Variants in RANBP2 observed in about 807,000 individuals in gnomAD.
The protein encoded by RANBP2 is RAN binding protein 2, also known as E3 SUMO-protein ligase RanBP2.
Under a neutral mutation model 303.6 loss-of-function variants are expected in RANBP2, and 57 were observed. The observed-to-expected ratio is 0.19, with a 90% confidence interval of 0.15 to 0.23. The LOEUF (loss-of-function observed/expected upper bound fraction) is 0.23. RANBP2 is among the 10% of genes least tolerant of loss of function. RANBP2 has a pLI of 1.00. For synonymous variants in RANBP2, 1,167 were observed against 1,301.5 expected (o/e 0.90, Z 2.23); for missense variants, 3,138 against 3,780.8 (o/e 0.83, Z 4.46).
At chr2:109,553,872 A>G in the RANBP2 span, among the ~76,000 whole-genome samples, 1 of 151,974 alleles carries the variant, frequency 6.6e-6, no homozygotes, top group African/African-American at 2.4e-5. Context: ...AAAAAAAGTG[A>G]TACAATAAAC....
intron 5 of RANBP2, 58 bp from the exon 6 acceptor site, chr2:108,736,046 G>C (rs1411093617): frequency 1.2e-6 from 2 of 1,611,488 alleles, no homozygotes; most frequent in Admixed American, 3.3e-5. Context: ...GGCTTAAAAT[G>C]ATTAATTTCT....
the RANBP2 span, among the ~76,000 whole-genome samples, chr2:109,557,632 T>C: frequency 6.6e-6 from 1 of 152,208 alleles, no homozygotes; most frequent in Non-Finnish European, 1.5e-5. Flanking sequence ...CTTCTGACAA[T>C]GTAAACTTAC....
the RANBP2 span, among the ~76,000 whole-genome samples, chr2:109,296,885 T>C: frequency 6.6e-6 from 1 of 151,884 alleles, no homozygotes; most frequent in African/African-American, 2.4e-5. Context: ...TTGCCAGATG[T>C]TATTTTGAGT....
chr2:109,575,296 C>G, the RANBP2 span, among the ~76,000 whole-genome samples: 1 of 152,192 alleles, frequency 6.6e-6, no homozygotes, highest in Non-Finnish European at 1.5e-5. Context: ...GCATAGGCAT[C>G]AATAACTCAA....
the RANBP2 span, among the ~76,000 whole-genome samples, chr2:108,848,469 T>C: frequency 2.0e-5 from 3 of 152,192 alleles, no homozygotes; most frequent in African/African-American, 7.2e-5. Context: ...GGATAAATAA[T>C]GGATGGATGA....
At chr2:109,547,860 G>C in the RANBP2 span, among the ~76,000 whole-genome samples, 1 of 152,206 alleles carries the variant, frequency 6.6e-6, no homozygotes, top group Admixed American at 6.5e-5. Context: ...AACTCAGCTT[G>C]CTCCAGCTGC....
chr2:109,680,696 C>T, the RANBP2 span, among the ~76,000 whole-genome samples: 1 of 152,142 alleles, frequency 6.6e-6, no homozygotes, highest in Non-Finnish European at 1.5e-5. Context: ...TCTCAGCCAC[C>T]GGAATCTCAC....
chr2:108,771,012 A>G (rs1054171828), intron 20 of RANBP2, among the ~76,000 whole-genome samples: 1 of 152,144 alleles, frequency 6.6e-6, no homozygotes, highest in African/African-American at 2.4e-5. Context: ...CCAGAAGTTC[A>G]GAACAGGTTG....
chr2:109,133,946 C>T, the RANBP2 span, among the ~76,000 whole-genome samples: 23 of 151,968 alleles, frequency 1.5e-4, no homozygotes, highest in African/African-American at 4.4e-4. Context: ...TTACAGAGGA[C>T]GTGGAATGTT....
the RANBP2 span, among the ~76,000 whole-genome samples, chr2:109,002,331 G>A: frequency 2.0e-4 from 31 of 152,290 alleles, no homozygotes; most frequent in African/African-American, 7.2e-4. Flanking sequence ...CAGCTTGCTA[G>A]GCTCTTAGGT....
chr2:109,593,036 A>G, the RANBP2 span: 1 of 1,552,366 alleles, frequency 6.4e-7, no homozygotes. Context: ...GTATCTATTT[A>G]AAAGACATAC....
the RANBP2 span, among the ~76,000 whole-genome samples, chr2:109,683,382 T>G: frequency 3.9e-5 from 6 of 152,278 alleles, no homozygotes; most frequent in South Asian, 1.2e-3. Context: ...TGCACGGTGG[T>G]GATACATTTG....
chr2:109,028,446 T>C, the RANBP2 span, among the ~76,000 whole-genome samples: 1 of 152,098 alleles, frequency 6.6e-6, no homozygotes, highest in Non-Finnish European at 1.5e-5. Context: ...CACCCTGGCT[T>C]CCCCGTTGCT....
the RANBP2 span, among the ~76,000 whole-genome samples, chr2:109,619,863 C>T: frequency 2.6e-5 from 4 of 152,104 alleles, no homozygotes; most frequent in Admixed American, 2.0e-4. Flanking sequence ...AACCAGTATT[C>T]CTTCAATGAT....
chr2:109,151,416 A>G, the RANBP2 span, among the ~76,000 whole-genome samples: 2 of 152,246 alleles, frequency 1.3e-5, no homozygotes, highest in Non-Finnish European at 2.9e-5. Context: ...TCCTAATTTT[A>G]TACTCCAAAG....
chr2:108,922,233 T>C, the RANBP2 span, among the ~76,000 whole-genome samples: 6 of 152,228 alleles, frequency 3.9e-5, no homozygotes, highest in African/African-American at 1.4e-4. Context: ...TCTGACATCT[T>C]TCCAGACTGG....
At chr2:109,729,929 G>A in the RANBP2 span, among the ~76,000 whole-genome samples, 2 of 152,150 alleles carry the variant, frequency 1.3e-5, no homozygotes, top group Non-Finnish European at 1.5e-5. Flanking sequence ...TTTACAAGGC[G>A]GCAGGAGAGA....
the RANBP2 span, among the ~76,000 whole-genome samples, chr2:109,045,962 C>T: frequency 3.3e-5 from 5 of 152,010 alleles, no homozygotes; most frequent in South Asian, 2.1e-4. Context: ...AACATCTACA[C>T]GTCTTGCAGG....
chr2:109,405,619 C>G, the RANBP2 span, among the ~76,000 whole-genome samples: 1 of 152,248 alleles, frequency 6.6e-6, no homozygotes, highest in East Asian at 1.9e-4. Flanking sequence ...AGGCAACACA[C>G]AGACACATAC....
Sources: gnomAD v4.1 joint callset for allele counts (sites outside exome capture counted in the v4.1 genomes callset) on GRCh38, gnomAD v4.1.1 for gene constraint, MANE v1.5 for transcripts, NCBI Gene and HGNC (gene_info 2026-07-23, HGNC 2026-07-21) for gene names.